Variants in SYNE2 observed in about 807,000 individuals in gnomAD.
The protein encoded by SYNE2 is nesprin-2.
A neutral mutation model predicts 856.3 loss-of-function variants in SYNE2; 431 were observed. That is an observed-to-expected ratio of 0.50 (90% confidence interval 0.47 to 0.55). The LOEUF is 0.55. SYNE2 is among the 20% of genes least tolerant of loss of function. The pLI is 0.00. For synonymous variants in SYNE2, 2,923 were observed against 2,872.3 expected (o/e 1.02, Z -0.56); for missense variants, 8,129 against 8,023.2 (o/e 1.01, Z -0.50).
intron 10 of SYNE2, among the ~76,000 whole-genome samples, chr14:63,965,966 G>A (rs182150547): frequency 3.8e-4 from 58 of 152,178 alleles, no homozygotes; most frequent in African/African-American, 1.2e-3. Flanking sequence ...ATAGGAAGAA[G>A]GCTTTATGAA....
intron 79 of SYNE2, 55 bp from the exon 80 acceptor site, chr14:64,139,886 A>G (rs2098126501): frequency 1.2e-6 from 2 of 1,600,230 alleles, no homozygotes; most frequent in East Asian, 2.2e-5. Flanking sequence ...GGTGATGCAT[A>G]TCATTATCAG....
chr14:64,052,049 A>T lies in SYNE2; in HGVS notation c.8136A>T (p.Gln2712His), dbSNP rs2097231306. 2 of 1,613,978 alleles carry T rather than the reference A, an allele frequency of 1.2e-6. No individual in the cohort carries two copies. Among genetic ancestry groups the T allele is most frequent in the African/African-American group, 1.3e-5 (1 of 74,992 alleles). The stretch of plus-strand genomic sequence containing the variant: ...ATGGAATAAATAACTTGAAGAAACA[A>T]TGGGAAACATTGGAGCCATTACACT... ...LEDGINNLKK[Q>H]WETLEPLHLE... The change falls in exon 48 of 116, where the codon CAA (glutamine) becomes CAT (histidine). Residue 2712 changes from glutamine to histidine, a missense_variant. This residue lies in a region of SYNE2 where 5,410 missense variants were observed against 5,284.8 expected (regional missense o/e 1.02). Transcript: ENST00000555002.
In SYNE2 at chr14:63,763,968, A is replaced by G. The variant is rs536417528; in HGVS notation, c.-305+1982A>G. 2.6e-5 allele frequency among the ~76,000 whole-genome samples: 4 copies of G among 152,260 alleles called. No homozygotes were observed. The East Asian group carries it at 7.7e-4, about 29-fold the overall frequency. ...TAGGATTACAGGAGTGAACCACTGCACCTGGCCCTGAATCATATTTTAATT... is the reference window on the plus strand; with the variant it reads ...TAGGATTACAGGAGTGAACCACTGCGCCTGGCCCTGAATCATATTTTAATT... On this transcript the variant is annotated intron_variant, in intron 1 of 23. Coordinates refer to the SYNE2 transcript ENST00000674003.
In SYNE2 at chr14:64,209,552, G is replaced by A. The variant is rs2098629237; in HGVS notation, c.18514G>A (p.Ala6172Thr). The A allele has an allele frequency of 6.2e-7, 1 of 1,614,174 alleles. No homozygotes were observed. The highest frequency in any genetic ancestry group is 1.7e-5 in the Admixed American group (1 of 60,022). The change falls in exon 102 of 116, where the codon GCC (alanine) becomes ACC (threonine). Residue 6172 changes from alanine (A) to threonine (T), a missense_variant. Around this residue, in one of 3 missense-constraint regions of SYNE2, gnomAD observed 5,410 missense variants for 5,284.8 expected, o/e 1.02. Coordinates refer to ENST00000555002, the MANE Select transcript of SYNE2 (RefSeq NM_182914.3). ...PNSSEVLYTS[A>T]KEELKRFEAF... is the part of the protein sequence containing the mutation. ...TTCCTCAGAGGTGTTGTACACGAGTGCCAAAGAGGAACTGAAGAGGTTTGA... is the reference window on the plus strand; with the variant it reads ...TTCCTCAGAGGTGTTGTACACGAGTACCAAAGAGGAACTGAAGAGGTTTGA...
intron 1 of SYNE2, among the ~76,000 whole-genome samples, chr14:63,781,658 T>TTCTC (rs34000786): frequency 0.018 from 2,021 of 109,910 alleles, 41 homozygotes; most frequent in South Asian, 0.049. Flanking sequence ...ACCTTAGGCC[T>TTCTC]TCTCTCTCTC....
chr14:63,913,123 G>A (rs562136990), intron 2 of SYNE2, among the ~76,000 whole-genome samples: 2 of 152,120 alleles, frequency 1.3e-5, no homozygotes, highest in Admixed American at 6.6e-5. Context: ...TTGTAGAGAT[G>A]GGAGTCTTGC....
intron 1 of SYNE2, among the ~76,000 whole-genome samples, chr14:63,865,779 A>G (rs1895134825): frequency 6.7e-6 from 1 of 150,214 alleles, no homozygotes; most frequent in African/African-American, 2.4e-5. Flanking sequence ...AAAGAACACC[A>G]GGCTGGGCAA....
rs561559607 is a variant in SYNE2 at position 64,127,941 on chromosome 14, C to A, written c.13918-511C>A. On this transcript the variant is annotated intron_variant, in intron 73 of 115. Transcript: ENST00000555002. ...ACATTCAAGAAACAAAAAAAGTGGT[C>A]AGGGATTCTGCAGGTTAAGAGAGAT... 5.1e-4 allele frequency among the ~76,000 whole-genome samples: 78 copies of A among 152,252 alleles called. 2 individuals carry two copies. The South Asian group carries it at 0.016, about 31-fold the overall frequency.
At chr14:63,821,908 G>A (rs1054863663) in intron 1 of SYNE2, among the ~76,000 whole-genome samples, 2 of 149,614 alleles carry the variant, frequency 1.3e-5, no homozygotes, top group African/African-American at 4.9e-5. Context: ...AAAAACTGAT[G>A]GACTGGGCAC....
chr14:64,202,199 G>T, intron 99 of SYNE2: 1 of 702,318 alleles, frequency 1.4e-6, no homozygotes, highest in Admixed American at 2.0e-5. Flanking sequence ...GGACAGAGAT[G>T]CCCCATAATC....
chr14:64,190,944 G>A (rs1208454736), intron 99 of SYNE2: 2 of 701,850 alleles, frequency 2.8e-6, no homozygotes, highest in Admixed American at 4.0e-5. Flanking sequence ...TTTTTTCAGT[G>A]GCCACGTGGC....
intron 45 of SYNE2, among the ~76,000 whole-genome samples, chr14:64,040,431 CA>C (rs1409814275): frequency 1.3e-5 from 2 of 151,550 alleles, no homozygotes; most frequent in African/African-American, 2.4e-5. Flanking sequence ...TAAGGGACTT[CA>C]ACAAACAACA....
rs373278031 is a variant in SYNE2, at chr14:63,865,227, A to G, written c.-52+12084A>G. 1.8e-3 allele frequency among the ~76,000 whole-genome samples: 229 copies of G among 127,846 alleles called. 1 individual carries two copies. Among genetic ancestry groups the G allele is most frequent in the African/African-American group, 6.3e-3 (207 of 33,110 alleles). The allele number at this position is 127,846 out of a possible 152,430, so 83.9% of individuals were successfully genotyped here. A position where few individuals can be genotyped will look rare whatever the true frequency, so the allele number is the denominator to read the frequency against. On this transcript the variant is annotated intron_variant, in intron 1 of 115. Coordinates refer to ENST00000555002, the MANE Select transcript of SYNE2 (RefSeq NM_182914.3). ...GGGCTAGGTATCAGGTGTTTAGGGGACAGTCAGAAATGAATCATATATGAG... is the reference window on the plus strand; with the variant it reads ...GGGCTAGGTATCAGGTGTTTAGGGGGCAGTCAGAAATGAATCATATATGAG...
chr14:64,190,567 C>A, intron 99 of SYNE2: 1 of 700,348 alleles, frequency 1.4e-6, no homozygotes, highest in Non-Finnish European at 2.6e-6. Context: ...TTGTGTGTCC[C>A]CACAGTGGAG....
In SYNE2 at chr14:64,081,428, G is replaced by A; in HGVS notation, c.11347-15G>A. ...AAGGCATCTGACTAAGTTTGGTCCT[G>A]CATCTCTTTCCCAGGCCACAGTTAA... On this transcript the variant is annotated splice_polypyrimidine_tract_variant and intron_variant, in intron 56 of 115. Coordinates refer to ENST00000555002, the MANE Select transcript of SYNE2 (RefSeq NM_182914.3). 6.2e-7 allele frequency: 1 copy of A among 1,614,050 alleles called. No individual in the cohort carries two copies. The highest frequency in any genetic ancestry group is 8.5e-7 in the Non-Finnish European group (1 of 1,179,970).
At chr14:64,077,048 T>G (rs2097467440) in intron 54 of SYNE2, among the ~76,000 whole-genome samples, 1 of 152,164 alleles carries the variant, frequency 6.6e-6, no homozygotes, top group Non-Finnish European at 1.5e-5. Context: ...TGAATACTTA[T>G]GAAAATCCCT....
At chr14:64,104,960 T>C (rs2097761646) in intron 64 of SYNE2, among the ~76,000 whole-genome samples, 1 of 152,214 alleles carries the variant, frequency 6.6e-6, no homozygotes, top group Non-Finnish European at 1.5e-5. Flanking sequence ...CTTGCTCCTC[T>C]TACTAATTTC....
Position 64,137,894 on chromosome 14 carries a change from C to G in SYNE2, c.14754C>G (p.Ile4918Met). 1 of 1,614,174 alleles carries G rather than the reference C, an allele frequency of 6.2e-7. No homozygotes were observed. The highest frequency in any genetic ancestry group is 1.3e-5 in the African/African-American group (1 of 75,036). ...GCTGTCCTGAATTAGAGGGCCAGATCGCAAAACTGGAAGAGCAGTGGTTGT... is the reference window on the plus strand; with the variant it reads ...GCTGTCCTGAATTAGAGGGCCAGATGGCAAAACTGGAAGAGCAGTGGTTGT... Reference protein sequence around the residue: ...SVSCPELEGQIAKLEEQWLSL... With the variant: ...SVSCPELEGQMAKLEEQWLSL... The change falls in exon 79 of 116, where the codon ATC becomes ATG. Residue 4918 changes from isoleucine to methionine, a missense_variant. Ile to Met is a conservative substitution (Grantham distance 10, BLOSUM62 1). Around this residue, in one of 3 missense-constraint regions of SYNE2, gnomAD observed 5,410 missense variants for 5,284.8 expected, o/e 1.02. Coordinates refer to ENST00000555002, the MANE Select transcript of SYNE2 (RefSeq NM_182914.3).
At position 64,188,668 on chromosome 14, in the gene SYNE2, C is replaced by T. The variant is rs767158291; in HGVS notation, c.17831C>T (p.Ala5944Val). Residue 5944 changes from alanine to valine, a missense_variant, in exon 98 of 116, where the codon GCG (alanine) becomes GTG (valine). Transcript: ENST00000555002. ...VQMENKVLQTADISIEEMIEK... is the reference protein window; with the variant it reads ...VQMENKVLQTVDISIEEMIEK... ...ATGGAAAACAAAGTTCTACAGACAGCGGACATTAGTATTGAAGAAATGATT... is the reference window on the plus strand; with the variant it reads ...ATGGAAAACAAAGTTCTACAGACAGTGGACATTAGTATTGAAGAAATGATT... 5.6e-6 allele frequency: 9 copies of T among 1,613,966 alleles called. No individual in the cohort carries two copies. Among genetic ancestry groups the T allele is most frequent in the South Asian group, 1.1e-5 (1 of 91,074 alleles).
Sources: allele counts gnomAD v4.1 joint callset (sites outside exome capture counted in the v4.1 genomes callset), GRCh38; gene constraint gnomAD v4.1.1; regional missense constraint gnomAD v4.1.1; transcripts MANE v1.5; gene names NCBI Gene and HGNC (gene_info 2026-07-23, HGNC 2026-07-21).